The following CLIC5 variants were observed in gnomAD, a reference collection of about 807,000 sequenced individuals.
CLIC5 encodes CLIC family member 5, also known as chloride intracellular channel protein 5.
Under a neutral mutation model 24.7 loss-of-function variants are expected in CLIC5, and 20 were observed. That is an observed-to-expected ratio of 0.81 (90% CI 0.57 to 1.18). The LOEUF (loss-of-function observed/expected upper bound fraction) is 1.18. Ranked by LOEUF, CLIC5 falls within the 50% of genes most tolerant of loss-of-function variation. The probability of loss-of-function intolerance (pLI) is 0.00; values close to 1 mark genes in which losing one functional copy is unlikely to be tolerated. For synonymous variants in CLIC5, 159 were observed against 135.6 expected (o/e 1.17, Z -1.20); for missense variants, 341 against 326.1 (o/e 1.05, Z -0.35).
chr6:46,073,138 C>T (rs1581920542), intron 1 of CLIC5, among the ~76,000 whole-genome samples: 1 of 152,226 alleles, frequency 6.6e-6, no homozygotes, highest in East Asian at 1.9e-4. Flanking sequence ...CAAAGCAAAC[C>T]AGTTCATATG....
At chr6:45,971,106 A>G (rs1765185923) in intron 1 of CLIC5, among the ~76,000 whole-genome samples, 1 of 152,238 alleles carries the variant, frequency 6.6e-6, no homozygotes, top group African/African-American at 2.4e-5. Context: ...AGAATTTGCT[A>G]TGATGCTCTT....
intron 5 of CLIC5, among the ~76,000 whole-genome samples, chr6:45,913,020 G>A (rs531105417): frequency 2.6e-5 from 4 of 152,288 alleles, no homozygotes; most frequent in East Asian, 3.9e-4. Context: ...TTTTTGACTC[G>A]GGACTTGAGC....
upstream of CLIC5, among the ~76,000 whole-genome samples, chr6:46,016,193 AAAGGGG>A (rs372894854): frequency 0.031 from 3,554 of 116,082 alleles, 145 homozygotes; most frequent in Non-Finnish European, 0.036. Flanking sequence ...GAGGAAGGGG[AAAGGGG>A]AAGGGGAAGA....
intron 4 of CLIC5, among the ~76,000 whole-genome samples, chr6:45,925,396 A>G (rs1211985193): frequency 6.6e-6 from 1 of 150,710 alleles, no homozygotes; most frequent in Non-Finnish European, 1.5e-5. Context: ...AGCTCACTGC[A>G]AACTCCATCT....
the CLIC5 span, among the ~76,000 whole-genome samples, chr6:46,102,036 C>T: frequency 6.6e-6 from 1 of 151,878 alleles, no homozygotes; most frequent in Non-Finnish European, 1.5e-5. Context: ...AATTTATGTC[C>T]TAGGTTATAT....
At chr6:45,932,150 G>C (rs1008313834) in intron 4 of CLIC5, among the ~76,000 whole-genome samples, 1 of 151,792 alleles carries the variant, frequency 6.6e-6, no homozygotes, top group Non-Finnish European at 1.5e-5. Context: ...TCATTCTGTC[G>C]CCAGGCTGGA....
At position 45,932,081 on chromosome 6, in the gene CLIC5, A is replaced by C. The variant is rs531773830; in HGVS notation, c.406+9466T>G. ...TGGGATACTCACTTCTTTTGCTGGC[A>C]GTCCATTCTACAGATTTAATTTTAA... is the stretch of plus-strand genomic sequence containing the variant. On this transcript the variant is annotated intron_variant, in intron 4 of 5. Transcript: ENST00000339561. 3.9e-5 allele frequency among the ~76,000 whole-genome samples: 6 copies of C among 152,272 alleles called. No homozygotes were observed. The South Asian group carries it at 1.0e-3, about 26-fold the overall frequency.
chr6:46,001,401 A>G (rs1766353199), intron 1 of CLIC5, among the ~76,000 whole-genome samples: 1 of 152,126 alleles, frequency 6.6e-6, no homozygotes, highest in Non-Finnish European at 1.5e-5. Context: ...CTCATGTTGC[A>G]CACTTGAACT....
chr6:45,974,874 C>T (rs1314694782), intron 1 of CLIC5, among the ~76,000 whole-genome samples: 1 of 152,056 alleles, frequency 6.6e-6, no homozygotes, highest in Non-Finnish European at 1.5e-5. Flanking sequence ...CTCCACAGCA[C>T]CAAGTGGGGC....
chr6:46,115,990 A>ATG, the CLIC5 span, among the ~76,000 whole-genome samples: 1 of 152,242 alleles, frequency 6.6e-6, no homozygotes, highest in South Asian at 2.1e-4. Context: ...ATAAAAACTC[A>ATG]TGCTATTTTT....
chr6:45,958,429 TATATATATATA>T (rs1764723262), intron 1 of CLIC5, among the ~76,000 whole-genome samples: 5 of 4,658 alleles, frequency 1.1e-3, no homozygotes, highest in African/African-American at 1.5e-3. Flanking sequence ...CAATTATATA[TATATATATATA>T]TATATATATA....
intron 1 of CLIC5, among the ~76,000 whole-genome samples, chr6:46,062,853 T>G (rs1004532196): frequency 2.6e-4 from 39 of 152,154 alleles, no homozygotes; most frequent in African/African-American, 8.7e-4. Context: ...TCTAGAGTTT[T>G]CTAAAGAAAT....
At chr6:45,894,056 TAA>T (rs1235720706), downstream of CLIC5, among the ~76,000 whole-genome samples, 2 of 152,128 alleles carry the variant, frequency 1.3e-5, no homozygotes, top group African/African-American at 4.8e-5. Flanking sequence ...CACTTGTGTC[TAA>T]GAGAGAGAGA....
intron 1 of CLIC5, among the ~76,000 whole-genome samples, chr6:46,058,922 G>A (rs1562029394): frequency 6.6e-6 from 1 of 152,228 alleles, no homozygotes; most frequent in East Asian, 1.9e-4. Context: ...ATTTGGTTCT[G>A]CAGGTTGCAT....
the CLIC5 span, among the ~76,000 whole-genome samples, chr6:46,128,281 C>T: frequency 0.019 from 2,931 of 152,298 alleles, 107 homozygotes; most frequent in African/African-American, 0.067. Flanking sequence ...AGAGTCCTCT[C>T]CTGATGCCCA....
chr6:45,963,513 A>G (rs1764920416), intron 1 of CLIC5, among the ~76,000 whole-genome samples: 1 of 152,002 alleles, frequency 6.6e-6, no homozygotes, highest in African/African-American at 2.4e-5. Context: ...TTTTTCTGGC[A>G]TTTGCCCTCT....
At chr6:45,953,416 G>A (rs1019696406) in intron 2 of CLIC5, among the ~76,000 whole-genome samples, 1 of 152,108 alleles carries the variant, frequency 6.6e-6, no homozygotes, top group African/African-American at 2.4e-5. Flanking sequence ...GGTATGAGTA[G>A]GCCTTACAGA....
At chr6:46,076,353 A>G (rs1762769543) in intron 1 of CLIC5, among the ~76,000 whole-genome samples, 1 of 152,246 alleles carries the variant, frequency 6.6e-6, no homozygotes, top group Non-Finnish European at 1.5e-5. Flanking sequence ...TATGTGACAA[A>G]CGGACTTGCA....
At chr6:46,065,121 T>C (rs1298280983) in intron 1 of CLIC5, among the ~76,000 whole-genome samples, 1 of 152,114 alleles carries the variant, frequency 6.6e-6, no homozygotes, top group Non-Finnish European at 1.5e-5. Context: ...TTTGAATAGG[T>C]GCTTCACCAA....
Sources: gnomAD v4.1 joint callset for allele counts (sites outside exome capture counted in the v4.1 genomes callset) on GRCh38, gnomAD v4.1.1 for gene constraint, MANE v1.5 for transcripts, NCBI Gene and HGNC (gene_info 2026-07-23, HGNC 2026-07-21) for gene names.